MAP3K5: variants seen among roughly 807,000 people sequenced by gnomAD.
MAP3K5 encodes mitogen-activated protein kinase kinase kinase 5.
MAP3K5 carries 56 observed loss-of-function variants against 158.7 expected under a neutral mutation model. That is an observed-to-expected ratio of 0.35 (90% CI 0.28 to 0.44). The LOEUF (loss-of-function observed/expected upper bound fraction) is 0.44. Among genes scored for constraint, MAP3K5 ranks in the 20% least tolerant of loss-of-function variants. The pLI, the probability that MAP3K5 is intolerant of heterozygous loss-of-function variation, is 1.00. For missense variants in MAP3K5, 1,294 were observed against 1,674.8 expected (o/e 0.77, Z 3.97); for synonymous variants, 579 against 601.7 (o/e 0.96, Z 0.55).
chr6:136,625,151 T>C (rs1728241237), intron 14 of MAP3K5, among the ~76,000 whole-genome samples: 1 of 152,148 alleles, frequency 6.6e-6, no homozygotes, highest in Admixed American at 6.5e-5. Context: ...GCTTTTTTTT[T>C]GGTAAAAGGT....
At chr6:136,717,211 A>G (rs975127697) in intron 2 of MAP3K5, among the ~76,000 whole-genome samples, 2 of 152,180 alleles carry the variant, frequency 1.3e-5, no homozygotes, top group African/African-American at 2.4e-5. Flanking sequence ...AGTACTTGTG[A>G]TTTAAAACAA....
At chr6:136,692,253 G>A (rs1008292481) in intron 7 of MAP3K5, among the ~76,000 whole-genome samples, 1 of 152,084 alleles carries the variant, frequency 6.6e-6, no homozygotes, top group African/African-American at 2.4e-5. Context: ...ATGATAAGCT[G>A]TAGAGAGTTT....
chr6:136,678,745 A>G (rs892275372), intron 7 of MAP3K5, among the ~76,000 whole-genome samples: 1 of 151,360 alleles, frequency 6.6e-6, no homozygotes, highest in Non-Finnish European at 1.5e-5. Flanking sequence ...TTTCTTCTTG[A>G]GATGGAGTCT....
At position 136,656,386 on chromosome 6, in the gene MAP3K5, G is replaced by C. The variant is rs754620024; in HGVS notation, c.1601C>G (p.Ala534Gly). The change falls in exon 10 of 30, where the codon GCC becomes GGC. Residue 534 changes from alanine (A) to glycine (G), a missense_variant. This residue lies in a region of MAP3K5 where 690 missense variants were observed against 870.5 expected (regional missense o/e 0.79). Transcript: ENST00000359015. ...FVKLTTEQPV[A>G]KQELVDFWMD... ...CCAAAAGTCCACAAGTTCTTGCTTG[G>C]CCACAGGCTGTTCTGTGGTCAGTTT... 1 of 1,612,466 alleles carries C rather than the reference G, an allele frequency of 6.2e-7. No individual in the cohort carries two copies. Among genetic ancestry groups the C allele is most frequent in the African/African-American group, 1.3e-5 (1 of 74,948 alleles).
At chr6:136,728,084 G>A (rs984870422) in intron 1 of MAP3K5, among the ~76,000 whole-genome samples, 2 of 152,180 alleles carry the variant, frequency 1.3e-5, no homozygotes, top group African/African-American at 4.8e-5. Flanking sequence ...CTGAGTTAAT[G>A]TTAAGTGGAG....
At chr6:136,778,546 C>G (rs769554994) in intron 1 of MAP3K5, among the ~76,000 whole-genome samples, 6 of 152,054 alleles carry the variant, frequency 3.9e-5, no homozygotes, top group Non-Finnish European at 7.4e-5. Flanking sequence ...ACCTTTTTAA[C>G]CTAATTTTAT....
At chr6:136,669,858 TC>T (rs549713635) in intron 7 of MAP3K5, among the ~76,000 whole-genome samples, 62 of 151,554 alleles carry the variant, frequency 4.1e-4, no homozygotes, top group African/African-American at 1.4e-3. Flanking sequence ...TAAAATGTAG[TC>T]GTCTACTTGG....
chr6:136,698,379 G>T, intron 4 of MAP3K5, 110 bp downstream of exon 4: 1 of 816,734 alleles, frequency 1.2e-6, no homozygotes, highest in East Asian at 2.7e-5. Flanking sequence ...TTTCCCCCTA[G>T]TTCTTAGCTG....
rs182051815 is a variant in MAP3K5, at chr6:136,764,101, A to G, written c.448+27609T>C. Among the ~76,000 whole-genome samples, 3 of 152,330 alleles carry G rather than the reference A, an allele frequency of 2.0e-5. No homozygotes were observed. The East Asian group carries it at 5.8e-4, about 29-fold the overall frequency. On this transcript the variant is annotated intron_variant, in intron 1 of 29. Coordinates refer to ENST00000359015, the MANE Select transcript of MAP3K5 (RefSeq NM_005923.4). Reference sequence around the variant, plus strand: ...GGACTAAGCTACTGCCCTGCTGATCAGCCAGCCACCTGTACATGTGCACAC... The same window carrying G: ...GGACTAAGCTACTGCCCTGCTGATCGGCCAGCCACCTGTACATGTGCACAC...
At chr6:136,742,670 G>T (rs1230308815) in intron 1 of MAP3K5, among the ~76,000 whole-genome samples, 1 of 152,064 alleles carries the variant, frequency 6.6e-6, no homozygotes, top group African/African-American at 2.4e-5. Flanking sequence ...AAAAATTTCT[G>T]CTCAGCAAAA....
intron 14 of MAP3K5, among the ~76,000 whole-genome samples, chr6:136,625,404 T>C (rs187806512): frequency 3.3e-5 from 5 of 152,330 alleles, no homozygotes; most frequent in African/African-American, 9.6e-5. Flanking sequence ...TATGGCCTAG[T>C]GCCTACGCCA....
At chr6:136,561,670 T>G in intron 27 of MAP3K5, 25 bp from the exon 28 acceptor site, 2 of 1,338,026 alleles carry the variant, frequency 1.5e-6, no homozygotes, top group Admixed American at 1.7e-5. Context: ...TGGGAAGATA[T>G]TCTTAATTTC....
At chr6:136,706,660 G>A (rs1394840835) in intron 2 of MAP3K5, among the ~76,000 whole-genome samples, 1 of 152,208 alleles carries the variant, frequency 6.6e-6, no homozygotes, top group Admixed American at 6.5e-5. Context: ...GGCGAGGCCC[G>A]GCTGAGTGGC....
chr6:136,632,077 T>C (rs1269617603), intron 14 of MAP3K5, among the ~76,000 whole-genome samples: 3 of 151,960 alleles, frequency 2.0e-5, no homozygotes, highest in Admixed American at 6.6e-5. Context: ...AGGTTGGGCG[T>C]CTGCATGTCA....
rs989487755 is a variant in MAP3K5 at position 136,628,647 on chromosome 6, G to A, written c.2017-5666C>T. On this transcript the variant is annotated intron_variant, in intron 14 of 29. Coordinates refer to ENST00000359015, the MANE Select transcript of MAP3K5 (RefSeq NM_005923.4). ...AGAAGACTATTTTTTAAAAGATTAC[G>A]TATTAGATACAGATTTAAAAGATTA... is the stretch of plus-strand genomic sequence containing the variant. Among the ~76,000 whole-genome samples the A allele has an allele frequency of 5.9e-5, 9 of 152,238 alleles. No individual in the cohort carries two copies. The East Asian group carries it at 9.6e-4, about 16-fold the overall frequency.
At chr6:136,622,635 A>G (rs1212663805) in intron 15 of MAP3K5, among the ~76,000 whole-genome samples, 2 of 152,216 alleles carry the variant, frequency 1.3e-5, no homozygotes, top group African/African-American at 4.8e-5. Flanking sequence ...ACACAGGGCC[A>G]TTCTCTTTTC....
chr6:136,598,228 C>T (rs537178886), intron 21 of MAP3K5, among the ~76,000 whole-genome samples: 162 of 152,110 alleles, frequency 1.1e-3, no homozygotes, highest in Middle Eastern at 3.4e-3. Flanking sequence ...TTAACTCATG[C>T]GAGAAGTCGC....
chr6:136,604,539 C>T (rs776176177), intron 19 of MAP3K5, among the ~76,000 whole-genome samples: 3 of 151,978 alleles, frequency 2.0e-5, no homozygotes, highest in Non-Finnish European at 2.9e-5. Context: ...AGTCTGGCAG[C>T]GGAGGACTGC....
rs541591028 is a variant in MAP3K5, at chr6:136,684,987, G to A, written c.1253+9153C>T. ...ACATAAGAGTCAAGAATCACAGTTT[G>A]TTGCAACAATATACTGTAATTCAGC... On this transcript the variant is annotated intron_variant, in intron 7 of 29. Transcript: ENST00000359015. Among the ~76,000 whole-genome samples the A allele has an allele frequency of 2.2e-4, 33 of 152,222 alleles. 1 individual carries two copies. In the East Asian group the frequency reaches 6.0e-3, roughly 28 times the overall value.
Sources: gnomAD v4.1 joint callset for allele counts (sites outside exome capture counted in the v4.1 genomes callset) on GRCh38, gnomAD v4.1.1 for gene constraint, gnomAD v4.1.1 regional missense constraint, MANE v1.5 for transcripts, NCBI Gene and HGNC (gene_info 2026-07-23, HGNC 2026-07-21) for gene names.